PLB1: variants seen among roughly 807,000 people sequenced by gnomAD.
The protein encoded by PLB1 is phospholipase B1, membrane-associated.
In PLB1, 242 loss-of-function variants were observed where a neutral mutation model predicts 227.4. The ratio of observed to expected loss-of-function variants is 1.06; its 90% CI spans 0.96 to 1.18. The LOEUF (loss-of-function observed/expected upper bound fraction) is 1.18. PLB1 is among the 50% of genes most tolerant of loss of function. PLB1 has a pLI of 0.00. For missense variants in PLB1, 1,858 were observed against 1,816.3 expected, an observed-to-expected ratio of 1.02 and a Z score of -0.42; for synonymous variants, 757 against 682.2, an observed-to-expected ratio of 1.11 and a Z score of -1.71.
intron 50 of PLB1, among the ~76,000 whole-genome samples, chr2:28,625,558 G>A (rs1687636409): frequency 6.6e-6 from 1 of 151,768 alleles, no homozygotes; most frequent in African/African-American, 2.4e-5. Flanking sequence ...TCAGCTCCCG[G>A]TGGGATTCCT....
chr2:28,508,790 G>A (rs1458694862), intron 1 of PLB1, among the ~76,000 whole-genome samples: 2 of 152,192 alleles, frequency 1.3e-5, no homozygotes, highest in Non-Finnish European at 2.9e-5. Context: ...CTGTAAAAAT[G>A]CCAAAAGGGT....
intron 20 of PLB1, 36 bp downstream of exon 20, chr2:28,566,875 G>A: frequency 1.9e-6 from 3 of 1,612,860 alleles, no homozygotes; most frequent in Non-Finnish European, 2.5e-6. Context: ...GTTTGGTTTG[G>A]GGCGGCCCCT....
rs760312945 is a variant in PLB1, at chr2:28,618,425, T to C, written c.3315+26T>C. On this transcript the variant is annotated intron_variant, in intron 46 of 57. Coordinates refer to ENST00000327757, the MANE Select transcript of PLB1 (RefSeq NM_153021.5). ...GTGAGTAGTGAGCCATGAACCAGGA[T>C]GGGCAGCTCAGAGTCCAGCCAGGCC... 25 of 1,611,152 alleles carry C rather than the reference T, an allele frequency of 1.6e-5. No homozygotes were observed. The East Asian group carries it at 5.3e-4, about 34-fold the overall frequency.
chr2:28,545,686 T>C (rs1673145359), intron 14 of PLB1, among the ~76,000 whole-genome samples: 1 of 152,182 alleles, frequency 6.6e-6, no homozygotes, highest in Admixed American at 6.5e-5. Context: ...TTTCGCTAAT[T>C]GCATCCTCCA....
rs750679886 is a variant in PLB1, at chr2:28,605,931, G to A, written c.3040G>A (p.Ala1014Thr). ...NQKFHSQLARALWTNMLEPLG... is the reference protein window; with the variant it reads ...NQKFHSQLARTLWTNMLEPLG... Reference sequence around the variant, plus strand: ...GAAATTCCACTCCCAGCTGGCCAGAGCCCTTTGGACCAATATGGTAAAATA... The same window carrying A: ...GAAATTCCACTCCCAGCTGGCCAGAACCCTTTGGACCAATATGGTAAAATA... Residue 1014 changes from alanine (A) to threonine (T), a missense_variant, in exon 42 of 58, where the codon GCC (alanine) becomes ACC (threonine). Coordinates refer to ENST00000327757, the MANE Select transcript of PLB1 (RefSeq NM_153021.5). 1.9e-6 allele frequency: 3 copies of A among 1,612,240 alleles called. No individual in the cohort carries two copies. Among genetic ancestry groups the A allele is most frequent in the South Asian group, 2.2e-5 (2 of 91,044 alleles).
At chr2:28,518,439 G>A in intron 2 of PLB1, 27 bp from the exon 3 acceptor site, 1 of 1,568,510 alleles carries the variant, frequency 6.4e-7, no homozygotes, top group Non-Finnish European at 8.8e-7. Context: ...GGCAGTTGAT[G>A]TTTCTGATGT....
At chr2:28,615,629 A>G (rs1686089707) in intron 44 of PLB1, among the ~76,000 whole-genome samples, 1 of 152,216 alleles carries the variant, frequency 6.6e-6, no homozygotes, top group Non-Finnish European at 1.5e-5. Flanking sequence ...GTCCTCATTG[A>G]ACCAGTGACC....
At chr2:28,583,656 A>G (rs1272925564) in intron 25 of PLB1, among the ~76,000 whole-genome samples, 1 of 152,144 alleles carries the variant, frequency 6.6e-6, no homozygotes, top group Non-Finnish European at 1.5e-5. Context: ...GCATGCCCAG[A>G]TCCTGCGGCT....
intron 38 of PLB1, 54 bp from the exon 39 acceptor site, chr2:28,602,767 A>G (rs1170498457): frequency 4.0e-6 from 6 of 1,494,528 alleles, no homozygotes; most frequent in East Asian, 2.3e-5. Flanking sequence ...GCCCTGAGAC[A>G]GCCCCAGGAA....
intron 44 of PLB1, 90 bp downstream of exon 44, chr2:28,614,186 C>A: frequency 8.0e-7 from 1 of 1,246,184 alleles, no homozygotes; most frequent in Non-Finnish European, 1.2e-6. Context: ...AGAGTATTCA[C>A]TGAAGCAGAA....
chr2:28,576,872 AG>A (rs747800329), intron 21 of PLB1, among the ~76,000 whole-genome samples: 7 of 152,214 alleles, frequency 4.6e-5, no homozygotes, highest in Admixed American at 6.5e-5. Flanking sequence ...GTTCCCATCC[AG>A]GTAATCGAAT....
chr2:28,574,188 T>G (rs1352799862), intron 21 of PLB1, among the ~76,000 whole-genome samples: 1 of 152,214 alleles, frequency 6.6e-6, no homozygotes, highest in Non-Finnish European at 1.5e-5. Flanking sequence ...CTATTTGTAT[T>G]TATTTTTAAT....
At chr2:28,525,984 CT>C (rs748575034) in intron 6 of PLB1, 39 bp downstream of exon 6, 1 of 1,611,754 alleles carries the variant, frequency 6.2e-7, no homozygotes, top group Non-Finnish European at 8.5e-7. Context: ...CAGAGTGCCC[CT>C]CTCCTTCCCA....
intron 4 of PLB1, among the ~76,000 whole-genome samples, chr2:28,524,881 T>C (rs1036031178): frequency 6.8e-6 from 1 of 148,144 alleles, no homozygotes; most frequent in African/African-American, 2.5e-5. Flanking sequence ...AGTGTCTCAT[T>C]CTATGGCCCA....
At chr2:28,635,647 T>C (rs1689203818) in intron 56 of PLB1, among the ~76,000 whole-genome samples, 2 of 129,432 alleles carry the variant, frequency 1.5e-5, no homozygotes, top group South Asian at 4.6e-4. Context: ...CTTAAACTAT[T>C]TCATCTTATT....
intron 46 of PLB1, 60 bp downstream of exon 46, chr2:28,618,459 A>T: frequency 6.5e-7 from 1 of 1,536,850 alleles, no homozygotes; most frequent in Admixed American, 1.7e-5. Flanking sequence ...CCCTGCGCAG[A>T]ATCTGTGCTT....
rs201641733 is a variant in PLB1 at position 28,563,099 on chromosome 2, G to A, written c.1206G>A (p.Thr402=). The A allele has an allele frequency of 1.1e-5, 17 of 1,611,960 alleles. No homozygotes were observed. In the African/African-American group the frequency reaches 1.6e-4, roughly 15 times the overall value. Residue 402 remains threonine (T), a splice_region_variant and synonymous_variant, in exon 18 of 58, where the codon ACG becomes ACA. Transcript: ENST00000327757. ...TTGGAGCCCTGGGTGACTCTCTCAC[G>A]GTAAGTGACCCTGATGCAGAAGGGG... ...NVIGALGDSL[T]AGNGAGSTPG...
At chr2:28,611,782 T>C (rs539838165) in intron 43 of PLB1, among the ~76,000 whole-genome samples, 1 of 152,198 alleles carries the variant, frequency 6.6e-6, no homozygotes, top group Admixed American at 6.5e-5. Flanking sequence ...CCCTCTCCTG[T>C]CTTATGCTGT....
chr2:28,525,205 C>A, intron 4 of PLB1, 62 bp from the exon 5 acceptor site: 1 of 1,525,866 alleles, frequency 6.6e-7, no homozygotes, highest in Non-Finnish European at 9.0e-7. Flanking sequence ...AGCTTGCGGT[C>A]TAACTAGAAG....
Sources: allele counts gnomAD v4.1 joint callset (sites outside exome capture counted in the v4.1 genomes callset), GRCh38; gene constraint gnomAD v4.1.1; transcripts MANE v1.5; gene names NCBI Gene and HGNC (gene_info 2026-07-23, HGNC 2026-07-21).